GRID1: variants seen among roughly 807,000 people sequenced by gnomAD.
The protein encoded by GRID1 is glutamate receptor ionotropic, delta-1.
In GRID1, 28 loss-of-function variants were observed where a neutral mutation model predicts 98.0. The ratio of observed to expected loss-of-function variants is 0.29; its 90% CI spans 0.21 to 0.39. The LOEUF (loss-of-function observed/expected upper bound fraction) is 0.39, where lower values mean the gene tolerates loss of function less well. Ranked by LOEUF, GRID1 falls within the 10% of genes least tolerant of loss-of-function variation. The probability of loss-of-function intolerance (pLI) is 1.00; values close to 1 mark genes in which losing one functional copy is unlikely to be tolerated. For synonymous variants in GRID1, 553 were observed against 538.5 expected (o/e 1.03, Z -0.37); for missense variants, 1,111 against 1,340.5 (o/e 0.83, Z 2.67).
At chr10:86,165,115 G>A (rs921548071) in intron 3 of GRID1, among the ~76,000 whole-genome samples, 1 of 152,096 alleles carries the variant, frequency 6.6e-6, no homozygotes, top group African/African-American at 2.4e-5. Context: ...AGCCACAGGG[G>A]GTTTCAATCA....
intron 3 of GRID1, among the ~76,000 whole-genome samples, chr10:86,179,038 G>A (rs1336018237): frequency 4.6e-5 from 7 of 152,108 alleles, no homozygotes; most frequent in Admixed American, 3.9e-4. Flanking sequence ...CTGAGCCAAG[G>A]ATGGGATGGA....
chr10:86,304,139 A>G (rs1387821770), intron 2 of GRID1, among the ~76,000 whole-genome samples: 1 of 152,010 alleles, frequency 6.6e-6, no homozygotes, highest in Non-Finnish European at 1.5e-5. Flanking sequence ...AGCTCACTCC[A>G]TTGCACTTCT....
intron 12 of GRID1, among the ~76,000 whole-genome samples, chr10:85,665,987 T>C (rs1841015505): frequency 6.6e-6 from 1 of 151,576 alleles, no homozygotes; most frequent in African/African-American, 2.4e-5. Flanking sequence ...CCCCTGGAGG[T>C]CAAGGCACTT....
At chr10:85,731,938 G>T (rs1841830535) in intron 8 of GRID1, among the ~76,000 whole-genome samples, 1 of 110,770 alleles carries the variant, frequency 9.0e-6, no homozygotes, top group African/African-American at 4.5e-5. Flanking sequence ...AGAGAGAGAA[G>T]GGAAGGGAAG....
chr10:85,605,362 G>A (rs533123293), intron 15 of GRID1: 2 of 152,208 alleles, frequency 1.3e-5, no homozygotes, highest in South Asian at 2.1e-4. Flanking sequence ...TACTTTTAGG[G>A]TTTAATAAGA....
intron 2 of GRID1, among the ~76,000 whole-genome samples, chr10:86,359,631 T>G (rs1848576129): frequency 6.6e-6 from 1 of 152,238 alleles, no homozygotes; most frequent in Non-Finnish European, 1.5e-5. Context: ...TTTCCTAAAC[T>G]GTTATCCTTC....
At chr10:85,991,642 G>C (rs1308747525) in intron 4 of GRID1, among the ~76,000 whole-genome samples, 1 of 152,218 alleles carries the variant, frequency 6.6e-6, no homozygotes, top group Non-Finnish European at 1.5e-5. Context: ...AATGTGTCAG[G>C]AGGCAGTGCT....
intron 2 of GRID1, among the ~76,000 whole-genome samples, chr10:86,224,832 C>G (rs1200455163): frequency 1.3e-5 from 2 of 152,192 alleles, no homozygotes; most frequent in African/African-American, 4.8e-5. Context: ...CCCCTTCCCC[C>G]AGGAAGCCCT....
chr10:85,828,352 T>A (rs1842838221), intron 8 of GRID1, among the ~76,000 whole-genome samples: 1 of 151,910 alleles, frequency 6.6e-6, no homozygotes, highest in Non-Finnish European at 1.5e-5. Flanking sequence ...AGATCTCGAA[T>A]GAACAACCTA....
chr10:85,780,584 T>A (rs1211522881), intron 8 of GRID1, among the ~76,000 whole-genome samples: 2 of 152,210 alleles, frequency 1.3e-5, no homozygotes, highest in East Asian at 3.9e-4. Context: ...TTACCAGTAC[T>A]GAGCCGATGT....
At chr10:85,803,172 A>G (rs1187630445) in intron 8 of GRID1, among the ~76,000 whole-genome samples, 2 of 152,110 alleles carry the variant, frequency 1.3e-5, no homozygotes, top group African/African-American at 4.8e-5. Context: ...TTGATAGCAA[A>G]ACAGTGTGAC....
At chr10:86,083,296 C>T (rs955469000) in intron 4 of GRID1, among the ~76,000 whole-genome samples, 4 of 152,264 alleles carry the variant, frequency 2.6e-5, no homozygotes, top group African/African-American at 9.6e-5. Context: ...GCGGGGAGAA[C>T]TTGTCCCTGA....
chr10:86,049,728 T>C (rs1479570457), intron 4 of GRID1, among the ~76,000 whole-genome samples: 1 of 152,236 alleles, frequency 6.6e-6, no homozygotes, highest in Non-Finnish European at 1.5e-5. Flanking sequence ...ACCAGATTCA[T>C]CCATGATTCT....
At chr10:85,620,651 G>A (rs1218439010) in intron 13 of GRID1, among the ~76,000 whole-genome samples, 2 of 152,138 alleles carry the variant, frequency 1.3e-5, no homozygotes, top group Non-Finnish European at 2.9e-5. Context: ...TGACTGTTAT[G>A]GTGCCACGCC....
intron 4 of GRID1, among the ~76,000 whole-genome samples, chr10:86,081,571 T>C (rs1448781874): frequency 6.6e-6 from 1 of 152,228 alleles, no homozygotes; most frequent in Non-Finnish European, 1.5e-5. Context: ...AAAGTCATTG[T>C]GTTTATAGCA....
At chr10:85,865,938 T>TACAC (rs1843213694) in intron 6 of GRID1, among the ~76,000 whole-genome samples, 2 of 102,960 alleles carry the variant, frequency 1.9e-5, no homozygotes, top group African/African-American at 7.6e-5. Flanking sequence ...TATATATATA[T>TACAC]ATATACACAT....
chr10:86,135,624 G>A (rs4275558), intron 4 of GRID1, among the ~76,000 whole-genome samples: 26,055 of 152,038 alleles, frequency 0.17, 2,556 homozygotes, highest in Middle Eastern at 0.28. Context: ...TGACACACAA[G>A]CCCACAGGGT....
intron 4 of GRID1, among the ~76,000 whole-genome samples, chr10:85,980,905 G>A (rs1267367012): frequency 6.6e-6 from 1 of 152,226 alleles, no homozygotes; most frequent in African/African-American, 2.4e-5. Context: ...ATTTCACAGT[G>A]AGGATTTGGG....
At chr10:86,255,246 T>C (rs1332465785) in intron 2 of GRID1, among the ~76,000 whole-genome samples, 1 of 152,264 alleles carries the variant, frequency 6.6e-6, no homozygotes, top group Non-Finnish European at 1.5e-5. Context: ...ATATTGTATC[T>C]GTACTTTAAA....
Sources: gnomAD v4.1 joint callset for allele counts (sites outside exome capture counted in the v4.1 genomes callset) on GRCh38, gnomAD v4.1.1 for gene constraint, MANE v1.5 for transcripts, NCBI Gene and HGNC (gene_info 2026-07-23, HGNC 2026-07-21) for gene names.